U2SURP: variants seen among roughly 807,000 people sequenced by gnomAD.
U2SURP encodes U2 snRNP-associated SURP motif-containing protein.
In U2SURP, 9 loss-of-function variants were observed where a neutral mutation model predicts 144.9. The observed-to-expected ratio is 0.06, with a 90% CI of 0.04 to 0.11. U2SURP has a LOEUF of 0.11. U2SURP is among the 10% of genes least tolerant of loss of function. The pLI is 1.00. For missense variants in U2SURP, 724 were observed against 1,226.7 expected (o/e 0.59, Z 6.12); for synonymous variants, 408 against 396.8 (o/e 1.03, Z -0.33).
At chr3:143,039,741 C>T (rs1934003673) in intron 23 of U2SURP, among the ~76,000 whole-genome samples, 1 of 151,602 alleles carries the variant, frequency 6.6e-6, no homozygotes, top group African/African-American at 2.4e-5. Flanking sequence ...TGTGTCCTAG[C>T]ACAATATGGG....
At chr3:143,044,289 CTTTTT>C (rs56916268) in intron 24 of U2SURP, among the ~76,000 whole-genome samples, 1 of 81,384 alleles carries the variant, frequency 1.2e-5, no homozygotes, top group Middle Eastern at 9.1e-3. Context: ...CTCCCCTCTC[CTTTTT>C]TTTTTTTTTT....
intron 6 of U2SURP, among the ~76,000 whole-genome samples, chr3:143,019,697 A>G (rs2108281324): frequency 6.6e-6 from 1 of 152,312 alleles, no homozygotes; most frequent in Middle Eastern, 3.4e-3. Context: ...TTTGGCAGTT[A>G]CTTTCCATGG....
At chr3:143,035,387 A>G (rs1281775971) in intron 19 of U2SURP, among the ~76,000 whole-genome samples, 3 of 152,280 alleles carry the variant, frequency 2.0e-5, no homozygotes, top group East Asian at 1.9e-4. Context: ...GTAGTACTTC[A>G]CTTATAATTG....
chr3:143,033,005 G>A, intron 17 of U2SURP, 59 bp downstream of exon 17: 1 of 1,559,974 alleles, frequency 6.4e-7, no homozygotes, highest in Admixed American at 1.9e-5. Context: ...GATTAGAATT[G>A]GTTTCCTTTT....
At chr3:143,026,840 T>A (rs1933180504) in intron 13 of U2SURP, 1 of 182,184 alleles carries the variant, frequency 5.5e-6, no homozygotes, top group Non-Finnish European at 1.1e-5. Context: ...TTAGTTGTGA[T>A]TTATAATTTA....
chr3:143,010,992 C>A, intron 2 of U2SURP, 133 bp downstream of exon 2: 2 of 619,316 alleles, frequency 3.2e-6, no homozygotes, highest in Non-Finnish European at 5.1e-6. Context: ...TCTTTTTTTT[C>A]TAGGCGCCTT....
chr3:143,044,969 T>C (rs560169222), intron 24 of U2SURP, among the ~76,000 whole-genome samples: 6 of 152,350 alleles, frequency 3.9e-5, no homozygotes, highest in Admixed American at 2.0e-4. Context: ...TGTATTCATA[T>C]ACATTTTAAA....
intron 8 of U2SURP, 32 bp downstream of exon 8, chr3:143,020,725 G>T (rs774375829): frequency 1.3e-6 from 2 of 1,528,746 alleles, no homozygotes; most frequent in South Asian, 1.2e-5. Context: ...GTGTATGCTT[G>T]TGATTAATTA....
In U2SURP at chr3:143,020,699, T is replaced by C; in HGVS notation, c.733+6T>C. The C allele has an allele frequency of 6.2e-7, 1 of 1,607,238 alleles. No individual in the cohort carries two copies. The highest frequency in any genetic ancestry group is 1.3e-5 in the African/African-American group (1 of 74,946). ...TGATGGTCAGCGTCGTTCTAGTAAG[T>C]GGCATTTATTTTAATGTGTATGCTT... On this transcript the variant is annotated splice_donor_region_variant and intron_variant, in intron 8 of 27. Transcript: ENST00000473835.
Position 143,034,675 on chromosome 3 carries a change from C to T in U2SURP, c.1854-213C>T, listed in dbSNP as rs932615656. The T allele has an allele frequency of 1.0e-4, 45 of 436,176 alleles. No homozygotes were observed. In the South Asian group the frequency reaches 1.1e-3, roughly 10 times the overall value. 27.0% of individuals were successfully genotyped at this position (436,176 alleles called of 1,614,324 possible). The stretch of plus-strand genomic sequence containing the variant: ...TGCTCGTAAAGGGAACTAGTAGGGA[C>T]TGTTGGGGAGTTTGTAGGAGAAAAA... On this transcript the variant is annotated intron_variant, in intron 18 of 27. Transcript: ENST00000473835.
chr3:143,023,856 C>T (rs1222424474), intron 12 of U2SURP, 119 bp from the exon 13 acceptor site: 3 of 867,106 alleles, frequency 3.5e-6, no homozygotes, highest in African/African-American at 3.3e-5. Context: ...GCAGTGATTG[C>T]CTGCAAAACT....
chr3:143,012,742 G>C (rs1433712132), intron 3 of U2SURP, among the ~76,000 whole-genome samples: 1 of 152,108 alleles, frequency 6.6e-6, no homozygotes, highest in Non-Finnish European at 1.5e-5. Flanking sequence ...CACTCTGAAA[G>C]CAAACAGGAG....
chr3:143,017,211 A>G (rs75430934), intron 6 of U2SURP: 6,183 of 356,386 alleles, frequency 0.017, 284 homozygotes, highest in African/African-American at 0.12. Context: ...ATTTATGCTC[A>G]TAATATATTG....
At chr3:143,055,163 C>T (rs1935079910) in intron 27 of U2SURP, 44 bp downstream of exon 27, 1 of 1,459,526 alleles carries the variant, frequency 6.9e-7, no homozygotes, top group Non-Finnish European at 9.1e-7. Context: ...TACCAGTTTC[C>T]TTGTCATTTC....
At chr3:143,045,859 G>GA (rs1341729471) in intron 24 of U2SURP, among the ~76,000 whole-genome samples, 1 of 152,144 alleles carries the variant, frequency 6.6e-6, no homozygotes, top group African/African-American at 2.4e-5. Context: ...TGTTTCCTCT[G>GA]AGAGATTTAG....
In U2SURP at chr3:143,043,205, A is replaced by G; in HGVS notation, c.2473A>G (p.Met825Val). ...GTACTCTAATCCAATCAAAGAAGAA[A>G]TGACTGAGTCTAAGTTCTCTAAGTA... ...HLYSNPIKEE[M>V]TESKFSKYSE... The change falls in exon 24 of 28, where the codon ATG (methionine) becomes GTG (valine). Residue 825 changes from methionine (M) to valine (V), a missense_variant. Coordinates refer to ENST00000473835, the MANE Select transcript of U2SURP (RefSeq NM_001080415.2). The G allele has an allele frequency of 1.9e-6, 3 of 1,604,504 alleles. No individual in the cohort carries two copies. Among genetic ancestry groups the G allele is most frequent in the African/African-American group, 1.3e-5 (1 of 74,960 alleles).
chr3:143,033,554 C>T (rs1353839771), intron 18 of U2SURP, among the ~76,000 whole-genome samples: 4 of 152,112 alleles, frequency 2.6e-5, no homozygotes, highest in Non-Finnish European at 4.4e-5. Context: ...CGAACCTGTA[C>T]AGACTTTTTT....
At chr3:143,031,523 A>G (rs62276905) in intron 16 of U2SURP, among the ~76,000 whole-genome samples, 26,279 of 143,208 alleles carry the variant, frequency 0.18, 2,879 homozygotes, top group Non-Finnish European at 0.25. Context: ...CAAAAATGCT[A>G]TGACTCACTG....
intron 27 of U2SURP, among the ~76,000 whole-genome samples, chr3:143,056,046 T>G (rs1293545465): frequency 6.6e-6 from 1 of 152,176 alleles, no homozygotes; most frequent in African/African-American, 2.4e-5. Flanking sequence ...CTCCAGAGAT[T>G]TTGATTCAGT....
Sources: gnomAD v4.1 joint callset for allele counts (sites outside exome capture counted in the v4.1 genomes callset) on GRCh38, gnomAD v4.1.1 for gene constraint, MANE v1.5 for transcripts, NCBI Gene and HGNC (gene_info 2026-07-23, HGNC 2026-07-21) for gene names.